Variants in DPP10 observed in about 807,000 individuals in gnomAD.
DPP10 encodes dipeptidyl peptidase like 10.
Under a neutral mutation model 120.9 loss-of-function variants are expected in DPP10, and 33 were observed. That is an observed-to-expected ratio of 0.27 (90% confidence interval 0.21 to 0.37). The LOEUF (loss-of-function observed/expected upper bound fraction) is 0.37. Ranked by LOEUF, DPP10 falls within the 10% of genes least tolerant of loss-of-function variation. The pLI is 1.00. For missense variants in DPP10, 816 were observed against 942.8 expected, an observed-to-expected ratio of 0.87 and a Z score of 1.76; for synonymous variants, 337 against 326.1, an observed-to-expected ratio of 1.03 and a Z score of -0.36.
intron 10 of DPP10, among the ~76,000 whole-genome samples, chr2:115,752,276 T>G (rs1263624451): frequency 1.3e-5 from 2 of 152,198 alleles, no homozygotes; most frequent in Admixed American, 1.3e-4. Flanking sequence ...TTTAGAGAAG[T>G]TTTTTTAAGT....
chr2:114,566,540 C>G (rs963615920), intron 1 of DPP10, among the ~76,000 whole-genome samples: 2 of 152,150 alleles, frequency 1.3e-5, no homozygotes, highest in Admixed American at 6.6e-5. Flanking sequence ...CACTAATGTC[C>G]TTTTTCTGTT....
chr2:115,168,997 A>G (rs1162136995), intron 1 of DPP10, among the ~76,000 whole-genome samples: 1 of 152,182 alleles, frequency 6.6e-6, no homozygotes, highest in Non-Finnish European at 1.5e-5. Flanking sequence ...TTTTTTTCTA[A>G]GTTTTTCATG....
At chr2:115,483,359 AAG>A (rs758510972) in intron 3 of DPP10, among the ~76,000 whole-genome samples, 21 of 152,152 alleles carry the variant, frequency 1.4e-4, no homozygotes, top group Non-Finnish European at 2.4e-4. Flanking sequence ...TGTTATGTAG[AAG>A]AGTCAGAATT....
intron 5 of DPP10, among the ~76,000 whole-genome samples, chr2:115,677,190 A>G (rs1025305344): frequency 1.5e-4 from 23 of 152,320 alleles, no homozygotes; most frequent in Admixed American, 7.8e-4. Context: ...AATGCTTAAG[A>G]AAGTCTTACA....
intron 1 of DPP10, among the ~76,000 whole-genome samples, chr2:115,210,851 CT>C (rs1359650375): frequency 2.6e-4 from 39 of 152,076 alleles, no homozygotes; most frequent in Non-Finnish European, 5.6e-4. Context: ...CCTTCGCCCA[CT>C]TTTTGATGGG....
At chr2:114,886,480 T>A (rs1692080763) in intron 1 of DPP10, among the ~76,000 whole-genome samples, 1 of 152,196 alleles carries the variant, frequency 6.6e-6, no homozygotes, top group African/African-American at 2.4e-5. Context: ...CAAGATAGAT[T>A]CACTTTTAAT....
At chr2:114,775,234 G>T (rs558965599) in intron 1 of DPP10, among the ~76,000 whole-genome samples, 3 of 152,116 alleles carry the variant, frequency 2.0e-5, no homozygotes, top group Non-Finnish European at 4.4e-5. Context: ...AATAGCTAAA[G>T]GTCATAAAGT....
chr2:114,505,051 C>CAAAAAAAAAAAA (rs3061538), intron 1 of DPP10, among the ~76,000 whole-genome samples: 1 of 44,894 alleles, frequency 2.2e-5, no homozygotes, highest in Non-Finnish European at 4.5e-5. Flanking sequence ...GACTCTGTCT[C>CAAAAAAAAAAAA]AAAAAAAAAA....
intron 21 of DPP10, among the ~76,000 whole-genome samples, chr2:115,816,492 G>A (rs1687239851): frequency 6.6e-6 from 1 of 152,146 alleles, no homozygotes; most frequent in Non-Finnish European, 1.5e-5. Flanking sequence ...TACGTCATCT[G>A]TGCTCTCTGC....
chr2:114,446,198 A>G (rs576608705), intron 1 of DPP10, among the ~76,000 whole-genome samples: 67 of 152,288 alleles, frequency 4.4e-4, no homozygotes, highest in African/African-American at 1.5e-3. Context: ...GGCTGCACTG[A>G]AAGTAAATTA....
At chr2:115,132,471 G>T (rs1016470482) in intron 1 of DPP10, among the ~76,000 whole-genome samples, 1 of 152,032 alleles carries the variant, frequency 6.6e-6, no homozygotes, top group Non-Finnish European at 1.5e-5. Context: ...TATATTTTAT[G>T]GTAAAATATT....
At chr2:114,750,481 C>T (rs1679105782) in intron 1 of DPP10, among the ~76,000 whole-genome samples, 2 of 152,066 alleles carry the variant, frequency 1.3e-5, no homozygotes, top group East Asian at 1.9e-4. Context: ...CCACAGGCGC[C>T]TGCCACCACG....
intron 2 of DPP10, among the ~76,000 whole-genome samples, chr2:115,334,037 C>T (rs1163366186): frequency 2.0e-4 from 30 of 151,608 alleles, no homozygotes; most frequent in Non-Finnish European, 4.4e-5. Context: ...TTGAAAGTGA[C>T]GGGGCGAATG....
chr2:114,805,037 T>G (rs1684601327), intron 1 of DPP10, among the ~76,000 whole-genome samples: 1 of 152,150 alleles, frequency 6.6e-6, no homozygotes, highest in African/African-American at 2.4e-5. Flanking sequence ...TCCCGTGCTA[T>G]TCTCATAATA....
chr2:114,582,900 T>G (rs1690653462), intron 1 of DPP10, among the ~76,000 whole-genome samples: 1 of 152,218 alleles, frequency 6.6e-6, no homozygotes, highest in Non-Finnish European at 1.5e-5. Context: ...GTTTGACTTG[T>G]GTACGTCCTT....
intron 1 of DPP10, among the ~76,000 whole-genome samples, chr2:114,928,347 A>G (rs978506047): frequency 1.3e-5 from 2 of 152,210 alleles, no homozygotes; most frequent in Non-Finnish European, 2.9e-5. Flanking sequence ...TCTCATTCCA[A>G]GAGGGAGAGA....
chr2:114,802,205 G>C (rs901774646), intron 1 of DPP10, among the ~76,000 whole-genome samples: 1 of 152,082 alleles, frequency 6.6e-6, no homozygotes, highest in South Asian at 2.1e-4. Context: ...AATATAATCA[G>C]CCATGAGATT....
chr2:115,204,412 A>G (rs918250046), intron 1 of DPP10, among the ~76,000 whole-genome samples: 1 of 152,178 alleles, frequency 6.6e-6, no homozygotes. Flanking sequence ...AGCAATAGAT[A>G]CTACATGGAT....
intron 7 of DPP10, among the ~76,000 whole-genome samples, chr2:115,715,560 T>C (rs1209841915): frequency 1.3e-5 from 2 of 152,130 alleles, no homozygotes; most frequent in South Asian, 2.1e-4. Context: ...ATTTGTTAGC[T>C]CTTCCTTATC....
Sources: allele counts gnomAD v4.1 joint callset (sites outside exome capture counted in the v4.1 genomes callset), GRCh38; gene constraint gnomAD v4.1.1; transcripts MANE v1.5; gene names NCBI Gene and HGNC (gene_info 2026-07-23, HGNC 2026-07-21).